Variants in JAK2 observed in about 807,000 individuals in gnomAD.
JAK2 encodes the protein Janus kinase 2, also known as tyrosine-protein kinase JAK2.
JAK2 carries 86 observed loss-of-function variants against 139.3 expected under a neutral mutation model. The ratio of observed to expected loss-of-function variants is 0.62; its 90% CI spans 0.52 to 0.74. JAK2 has a LOEUF of 0.74. JAK2 is among the 30% of genes least tolerant of loss of function. The pLI, the probability that JAK2 is intolerant of heterozygous loss-of-function variation, is 0.00. For synonymous variants in JAK2, 490 were observed against 437.7 expected, an observed-to-expected ratio of 1.12 and a Z score of -1.49; for missense variants, 1,421 against 1,360.3, an observed-to-expected ratio of 1.04 and a Z score of -0.70.
intron 22 of JAK2, among the ~76,000 whole-genome samples, chr9:5,103,889 AC>A (rs1821735744): frequency 6.6e-6 from 1 of 152,366 alleles, no homozygotes; most frequent in East Asian, 1.9e-4. Context: ...GACACAGCAT[AC>A]CAGAATCTCT....
At chr9:5,107,434 C>G (rs2130779469) in intron 22 of JAK2, among the ~76,000 whole-genome samples, 1 of 152,248 alleles carries the variant, frequency 6.6e-6, no homozygotes, top group African/African-American at 2.4e-5. Flanking sequence ...AGAAATCGCT[C>G]TAATACTACC....
At chr9:5,014,277 T>C (rs57999771) in intron 2 of JAK2, among the ~76,000 whole-genome samples, 13,386 of 151,786 alleles carry the variant, frequency 0.088, 1,735 homozygotes, top group African/African-American at 0.29. Context: ...GTGCAGGGAT[T>C]ACAGGTGTGA....
chr9:5,095,708 T>C (rs1820934775), intron 22 of JAK2, among the ~76,000 whole-genome samples: 1 of 152,150 alleles, frequency 6.6e-6, no homozygotes, highest in Non-Finnish European at 1.5e-5. Flanking sequence ...ATCCTATCCA[T>C]TAACGTAAGC....
chr9:5,079,154 T>C (rs1229144273), intron 16 of JAK2, among the ~76,000 whole-genome samples: 5 of 152,032 alleles, frequency 3.3e-5, no homozygotes, highest in Admixed American at 2.0e-4. Context: ...AGTACAGGAG[T>C]AGGGAGTATG....
chr9:5,039,328 T>C (rs1362452817), intron 4 of JAK2, among the ~76,000 whole-genome samples: 3 of 152,298 alleles, frequency 2.0e-5, no homozygotes, highest in Non-Finnish European at 4.4e-5. Context: ...AGACTTTTTC[T>C]TGTCATTACT....
rs142495942 is a variant in JAK2, at chr9:5,066,560, A to T, written c.1215-118A>T. ...TTGAAAGATTATTGCTAAACATATA[A>T]AGTAGAGGAGACAATTCTGACAGTT... On this transcript the variant is annotated intron_variant, in intron 9 of 24. Coordinates refer to ENST00000381652, the MANE Select transcript of JAK2 (RefSeq NM_004972.4). 214 of 640,790 alleles carry T rather than the reference A, an allele frequency of 3.3e-4. No homozygotes were observed. In the East Asian group the frequency reaches 5.8e-3, roughly 17 times the overall value. 39.7% of individuals were successfully genotyped at this position (640,790 alleles called of 1,614,324 possible). A position where few individuals can be genotyped will look rare whatever the true frequency, so the allele number is the denominator to read the frequency against.
At chr9:5,117,582 G>A (rs1438555034) in intron 22 of JAK2, among the ~76,000 whole-genome samples, 2 of 152,090 alleles carry the variant, frequency 1.3e-5, no homozygotes, top group South Asian at 2.1e-4. Flanking sequence ...GTAAAACAAT[G>A]TGACTCTTAT....
intron 22 of JAK2, chr9:5,112,176 G>A (rs938610595): frequency 3.0e-5 from 8 of 267,246 alleles, no homozygotes; most frequent in Middle Eastern, 1.4e-3. Flanking sequence ...CCGGCCACCG[G>A]GCGCTGGCCT....
chr9:5,099,156 C>G (rs1444796060), intron 22 of JAK2: 2 of 152,172 alleles, frequency 1.3e-5, no homozygotes, highest in African/African-American at 4.8e-5. Flanking sequence ...CCTTATTAGG[C>G]CTCAAAACAG....
intron 2 of JAK2, among the ~76,000 whole-genome samples, chr9:5,011,535 C>CA (rs1821700433): frequency 1.3e-5 from 2 of 152,174 alleles, no homozygotes; most frequent in Admixed American, 6.5e-5. Context: ...TCTTTATCTT[C>CA]ATGCATTATA....
chr9:4,990,663 C>T (rs1277327007), intron 2 of JAK2, among the ~76,000 whole-genome samples: 5 of 151,980 alleles, frequency 3.3e-5, no homozygotes, highest in Non-Finnish European at 5.9e-5. Flanking sequence ...GAATGATCAA[C>T]ATGTTGATCA....
chr9:5,099,285 T>C (rs1821277518), intron 22 of JAK2: 1 of 152,174 alleles, frequency 6.6e-6, no homozygotes, highest in African/African-American at 2.4e-5. Flanking sequence ...GTCCTAGAAC[T>C]AATCCTCTTA....
chr9:5,056,983 G>A (rs947709643), intron 8 of JAK2, among the ~76,000 whole-genome samples: 2 of 152,134 alleles, frequency 1.3e-5, no homozygotes, highest in African/African-American at 2.4e-5. Context: ...CTAAGTATCC[G>A]TAAAGCTCCT....
At chr9:5,083,429 A>G (rs1819854377) in intron 19 of JAK2, among the ~76,000 whole-genome samples, 1 of 152,208 alleles carries the variant, frequency 6.6e-6, no homozygotes, top group African/African-American at 2.4e-5. Flanking sequence ...GTTGTCTGTT[A>G]TTATCAGCTA....
chr9:5,023,624 G>A (rs1354679184), intron 3 of JAK2, among the ~76,000 whole-genome samples: 1 of 152,200 alleles, frequency 6.6e-6, no homozygotes, highest in Non-Finnish European at 1.5e-5. Context: ...TTCCCTGTGT[G>A]GAGTCTCTCC....
intron 16 of JAK2, among the ~76,000 whole-genome samples, chr9:5,079,428 A>G (rs756151161): frequency 1.5e-4 from 23 of 152,124 alleles, no homozygotes; most frequent in Admixed American, 2.6e-4. Context: ...ACCTATATCA[A>G]TTCCATATAT....
At chr9:5,036,982 C>A (rs993962289) in intron 4 of JAK2, among the ~76,000 whole-genome samples, 2 of 152,280 alleles carry the variant, frequency 1.3e-5, no homozygotes, top group Non-Finnish European at 2.9e-5. Flanking sequence ...GGGCTAATAT[C>A]CAGAATATAC....
intron 12 of JAK2, 83 bp from the exon 13 acceptor site, chr9:5,072,409 T>A (rs1586739805): frequency 9.8e-7 from 1 of 1,018,772 alleles, no homozygotes; most frequent in East Asian, 2.6e-5. Context: ...TTAAAAAAAT[T>A]CTTCCTCATT....
intron 22 of JAK2, among the ~76,000 whole-genome samples, chr9:5,101,318 C>G (rs1401730785): frequency 2.0e-5 from 3 of 152,236 alleles, no homozygotes; most frequent in Admixed American, 2.0e-4. Flanking sequence ...AGGCAGCAGC[C>G]TGGCAGGCGG....
Sources: allele counts gnomAD v4.1 joint callset (sites outside exome capture counted in the v4.1 genomes callset), GRCh38; gene constraint gnomAD v4.1.1; transcripts MANE v1.5; gene names NCBI Gene and HGNC (gene_info 2026-07-23, HGNC 2026-07-21).